Variants in NHSL1 observed in about 807,000 individuals in gnomAD.
NHSL1 encodes the protein NHS like 1.
In NHSL1, 48 loss-of-function variants were observed where a neutral mutation model predicts 95.0. The ratio of observed to expected loss-of-function variants is 0.51; its 90% CI spans 0.40 to 0.64. The LOEUF (loss-of-function observed/expected upper bound fraction) is 0.64, where lower values mean the gene tolerates loss of function less well. Among genes scored for constraint, NHSL1 ranks in the 30% least tolerant of loss-of-function variants. The pLI, the probability that NHSL1 is intolerant of heterozygous loss-of-function variation, is 0.00. For synonymous variants in NHSL1, 783 were observed against 833.9 expected, an observed-to-expected ratio of 0.94 and a Z score of 1.05; for missense variants, 1,971 against 2,077.7, an observed-to-expected ratio of 0.95 and a Z score of 1.00.
At chr6:138,426,972 G>GT (rs1178845086) in intron 7 of NHSL1, among the ~76,000 whole-genome samples, 1 of 152,196 alleles carries the variant, frequency 6.6e-6, no homozygotes, top group Non-Finnish European at 1.5e-5. Context: ...ACCACTTTGG[G>GT]TTTCAGAAAA....
At chr6:138,494,257 C>A (rs1780227302) in intron 2 of NHSL1, among the ~76,000 whole-genome samples, 1 of 152,146 alleles carries the variant, frequency 6.6e-6, no homozygotes, top group African/African-American at 2.4e-5. Flanking sequence ...TAGGACCCTG[C>A]CTTTGTACTC....
intron 1 of NHSL1, among the ~76,000 whole-genome samples, chr6:138,679,973 ACT>A (rs1287649765): frequency 6.6e-6 from 1 of 151,954 alleles, no homozygotes; most frequent in Admixed American, 6.6e-5. Context: ...ATGAAGCAAT[ACT>A]CTCTAGGTTA....
At chr6:138,519,146 C>T (rs754693057) in intron 1 of NHSL1, among the ~76,000 whole-genome samples, 21 of 151,900 alleles carry the variant, frequency 1.4e-4, no homozygotes, top group Non-Finnish European at 2.1e-4. Context: ...AGCACCACTG[C>T]GTAAATAAGC....
chr6:138,603,737 T>A (rs1213886492), intron 1 of NHSL1, among the ~76,000 whole-genome samples: 1 of 152,224 alleles, frequency 6.6e-6, no homozygotes, highest in African/African-American at 2.4e-5. Context: ...AACAGAAGCA[T>A]GTCAGGTACA....
intron 1 of NHSL1, among the ~76,000 whole-genome samples, chr6:138,662,566 A>T (rs1785240408): frequency 6.6e-6 from 1 of 152,184 alleles, no homozygotes; most frequent in Non-Finnish European, 1.5e-5. Context: ...GCTCCTTTAA[A>T]GAAGATTCAT....
chr6:138,640,964 T>G (rs1784952532), intron 1 of NHSL1, among the ~76,000 whole-genome samples: 1 of 152,200 alleles, frequency 6.6e-6, no homozygotes, highest in Non-Finnish European at 1.5e-5. Context: ...AAAATAATGT[T>G]TCCAAAATAT....
chr6:138,544,391 T>C (rs975881994), intron 1 of NHSL1, among the ~76,000 whole-genome samples: 2 of 152,158 alleles, frequency 1.3e-5, no homozygotes, highest in African/African-American at 4.8e-5. Context: ...TAAGAATTAA[T>C]TGAATGCTTG....
chr6:138,650,916 C>G (rs1221894930), intron 1 of NHSL1: 1 of 539,396 alleles, frequency 1.9e-6, no homozygotes, highest in Non-Finnish European at 3.8e-6. Context: ...TCCACTTGCA[C>G]AATGTATTTG....
intron 1 of NHSL1, among the ~76,000 whole-genome samples, chr6:138,666,287 G>C (rs1331269857): frequency 6.6e-6 from 1 of 151,590 alleles, no homozygotes; most frequent in Non-Finnish European, 1.5e-5. Context: ...TGGACAACAA[G>C]GGCGAAACTC....
intron 1 of NHSL1, among the ~76,000 whole-genome samples, chr6:138,534,620 T>G (rs541869244): frequency 7.9e-5 from 12 of 152,344 alleles, no homozygotes; most frequent in African/African-American, 2.9e-4. Context: ...TGCTGTTTAT[T>G]TCTAACTTAA....
chr6:138,559,619 T>G (rs772861492), intron 1 of NHSL1, among the ~76,000 whole-genome samples: 1 of 152,122 alleles, frequency 6.6e-6, no homozygotes, highest in Non-Finnish European at 1.5e-5. Context: ...CAGTGGACTA[T>G]CTACAGAAAT....
chr6:138,448,353 A>G (rs1776997556), intron 3 of NHSL1, among the ~76,000 whole-genome samples: 1 of 152,226 alleles, frequency 6.6e-6, no homozygotes, highest in Non-Finnish European at 1.5e-5. Context: ...TATAAAATAA[A>G]TGTGTAATAA....
At chr6:138,525,040 A>T (rs1269854873) in intron 1 of NHSL1, among the ~76,000 whole-genome samples, 1 of 152,120 alleles carries the variant, frequency 6.6e-6, no homozygotes, top group Non-Finnish European at 1.5e-5. Flanking sequence ...CATGATGGAG[A>T]CAGAGCAGCT....
At position 138,692,266 on chromosome 6, in the gene NHSL1, A is replaced by T; in HGVS notation, c.96+210T>A. The T allele has an allele frequency of 2.3e-6, 1 of 439,638 alleles. No individual in the cohort carries two copies. The highest frequency in any genetic ancestry group is 4.6e-6 in the Non-Finnish European group (1 of 218,120). 27.2% of individuals were successfully genotyped at this position (439,638 alleles called of 1,614,324 possible). ...CGCCCACTCTCTCGAGGTAGCCAAG[A>T]CCCTCCAGGAGTCCGAAAGTCACAG... On this transcript the variant is annotated intron_variant, in intron 1 of 3. Transcript: ENST00000491526. This position sits in a 1 kb window ranked among gnomAD's most constrained non-coding sequence, Gnocchi z 4.0.
In NHSL1 at chr6:138,429,852, G is replaced by C; in HGVS notation, c.3953-9C>G. On this transcript the variant is annotated splice_polypyrimidine_tract_variant and intron_variant, in intron 6 of 7. Transcript: ENST00000343505. Reference sequence around the variant, plus strand: ...GGTCTCCGGCACCCCAGCTACAGAAGAGCAGGCAGGCATACAAGACGCACA... The same window carrying C: ...GGTCTCCGGCACCCCAGCTACAGAACAGCAGGCAGGCATACAAGACGCACA... 1 of 1,549,160 alleles carries C rather than the reference G, an allele frequency of 6.5e-7. No individual in the cohort carries two copies. Among genetic ancestry groups the C allele is most frequent in the Non-Finnish European group, 8.7e-7 (1 of 1,146,138 alleles).
Position 138,496,387 on chromosome 6 carries a change from T to G in NHSL1, c.59-16A>C, listed in dbSNP as rs1198870551. ...TTGGAAACCGCTATAGAAAAAAAGA[T>G]AGAATACATTCAGGTGTCAACTTCA... On this transcript the variant is annotated splice_polypyrimidine_tract_variant and intron_variant, in intron 1 of 7. Coordinates refer to ENST00000343505, the MANE Select transcript of NHSL1 (RefSeq NM_001144060.2). The G allele has an allele frequency of 6.5e-7, 1 of 1,549,442 alleles. No individual in the cohort carries two copies. Among genetic ancestry groups the G allele is most frequent in the Non-Finnish European group, 8.7e-7 (1 of 1,146,680 alleles).
intron 1 of NHSL1, among the ~76,000 whole-genome samples, chr6:138,513,056 G>A (rs1201817636): frequency 6.6e-6 from 1 of 152,168 alleles, no homozygotes; most frequent in Non-Finnish European, 1.5e-5. Context: ...TCTACACATG[G>A]CAGACACCCC....
In NHSL1 at chr6:138,464,715, C is replaced by CTTTTTTTTTTTTTTTTTTTTTTTT. The variant is rs1157342436; in HGVS notation, c.339+8590_339+8591insAAAAAAAAAAAAAAAAAAAAAAAA. 4.8e-4 allele frequency among the ~76,000 whole-genome samples: 57 copies of CTTTTTTTTTTTTTTTTTTTTTTTT among 118,962 alleles called. 1 individual carries two copies. The highest frequency in any genetic ancestry group is 7.3e-4 in the African/African-American group (21 of 28,840). 78.0% of individuals were successfully genotyped at this position (118,962 alleles called of 152,430 possible). ...TTCTCTTCACTTTTTTTTTTCTTTTCTTTTTTTTTTTTTTTGAGACAGAGT... is the reference window on the plus strand; with the variant it reads ...TTCTCTTCACTTTTTTTTTTCTTTTCTTTTTTTTTTTTTTTTTTTTTTTTTTTTTTTTTTTTTTTGAGACAGAGT... On this transcript the variant is annotated intron_variant, in intron 3 of 7. Transcript: ENST00000343505.
At chr6:138,517,126 A>G (rs886239425) in intron 1 of NHSL1, among the ~76,000 whole-genome samples, 7 of 152,358 alleles carry the variant, frequency 4.6e-5, no homozygotes, top group African/African-American at 1.4e-4. Context: ...TGGCTGTATC[A>G]TAACACTTTC....
Sources: allele counts gnomAD v4.1 joint callset (sites outside exome capture counted in the v4.1 genomes callset), GRCh38; gene constraint gnomAD v4.1.1; non-coding constraint Gnocchi (gnomAD v3.1); transcripts MANE v1.5; gene names NCBI Gene and HGNC (gene_info 2026-07-23, HGNC 2026-07-21).